The following ADCY2 variants were observed in gnomAD, a reference collection of about 807,000 sequenced individuals.
The protein encoded by ADCY2 is adenylate cyclase 2.
A neutral mutation model predicts 125.2 loss-of-function variants in ADCY2; 31 were observed. That is an observed-to-expected ratio of 0.25 (90% CI 0.19 to 0.33). The LOEUF (loss-of-function observed/expected upper bound fraction) is 0.33, where lower values mean the gene tolerates loss of function less well. Among genes scored for constraint, ADCY2 ranks in the 10% least tolerant of loss-of-function variants. The pLI is 1.00. For missense variants in ADCY2, 904 were observed against 1,418.2 expected (o/e 0.64, Z 5.82); for synonymous variants, 512 against 548.4 (o/e 0.93, Z 0.93).
At chr5:7,807,712 A>G (rs540787878) in intron 22 of ADCY2, among the ~76,000 whole-genome samples, 1 of 152,198 alleles carries the variant, frequency 6.6e-6, no homozygotes, top group South Asian at 2.1e-4. Flanking sequence ...CCAGCTTCCT[A>G]TAGACACCCT....
intron 3 of ADCY2, among the ~76,000 whole-genome samples, chr5:7,570,812 G>T (rs533398685): frequency 6.6e-6 from 1 of 152,250 alleles, no homozygotes; most frequent in Non-Finnish European, 1.5e-5. Flanking sequence ...TTTCATGGGA[G>T]TAAAACTCTG....
intron 3 of ADCY2, among the ~76,000 whole-genome samples, chr5:7,584,333 A>T (rs1250831563): frequency 6.6e-6 from 1 of 152,102 alleles, no homozygotes; most frequent in Non-Finnish European, 1.5e-5. Flanking sequence ...TTATATTTCT[A>T]AAAGGGAATT....
At chr5:7,483,129 A>G (rs1742799171) in intron 2 of ADCY2, among the ~76,000 whole-genome samples, 1 of 152,280 alleles carries the variant, frequency 6.6e-6, no homozygotes, top group East Asian at 1.9e-4. Context: ...AGTTAACAGT[A>G]ATTTATTGTA....
intron 3 of ADCY2, among the ~76,000 whole-genome samples, chr5:7,601,297 C>T (rs1365437998): frequency 2.0e-5 from 3 of 151,586 alleles, no homozygotes; most frequent in Non-Finnish European, 4.4e-5. Flanking sequence ...CAATTTTAAA[C>T]AAATATCGTG....
At chr5:7,701,689 T>C (rs1325218858) in intron 7 of ADCY2, among the ~76,000 whole-genome samples, 1 of 152,198 alleles carries the variant, frequency 6.6e-6, no homozygotes. Flanking sequence ...TCTATTCTAC[T>C]TTCTGTCTCT....
At chr5:7,564,514 C>T (rs1437575531) in intron 3 of ADCY2, among the ~76,000 whole-genome samples, 5 of 152,126 alleles carry the variant, frequency 3.3e-5, no homozygotes, top group Admixed American at 6.6e-5. Context: ...TGACTGATTC[C>T]TTCAAGGCCA....
Position 7,727,972 on chromosome 5 carries a change from T to C in ADCY2, c.1871+711T>C, listed in dbSNP as rs192858828. Among the ~76,000 whole-genome samples the C allele has an allele frequency of 2.5e-3, 380 of 152,272 alleles. 3 individuals are homozygous for C. The highest frequency in any genetic ancestry group is 8.8e-3 in the African/African-American group (367 of 41,560). On this transcript the variant is annotated intron_variant, in intron 14 of 24. Coordinates refer to ENST00000338316, the MANE Select transcript of ADCY2 (RefSeq NM_020546.3). Reference sequence around the variant, plus strand: ...TTTCTTCAAGAAAGCTAATTCTCATTTTATGATCTAAAGAAAATTCTTGTC... The same window carrying C: ...TTTCTTCAAGAAAGCTAATTCTCATCTTATGATCTAAAGAAAATTCTTGTC...
intron 14 of ADCY2, among the ~76,000 whole-genome samples, chr5:7,740,976 C>A (rs535948343): frequency 3.2e-4 from 48 of 151,854 alleles, no homozygotes; most frequent in Non-Finnish European, 4.7e-4. Context: ...AAAGAACAGA[C>A]CTTAATAATA....
chr5:7,699,061 G>C (rs1579329099), intron 7 of ADCY2, among the ~76,000 whole-genome samples: 1 of 110,788 alleles, frequency 9.0e-6, no homozygotes, highest in South Asian at 4.4e-4. Flanking sequence ...TGTTTCCTGA[G>C]TCAGGAAACA....
At position 7,709,169 on chromosome 5, in the gene ADCY2, C is replaced by T; in HGVS notation, c.1402-42C>T. ...CGATGCCAAAAGGATCATGTGTGGC[C>T]CTGTGCTGTGCCAGGTGTGATGCTT... On this transcript the variant is annotated intron_variant, in intron 9 of 24. Transcript: ENST00000338316. This position sits in a 1 kb window ranked among gnomAD's most constrained non-coding sequence, Gnocchi z 4.4. 2 of 1,551,106 alleles carry T rather than the reference C, an allele frequency of 1.3e-6. No individual in the cohort carries two copies. Among genetic ancestry groups the T allele is most frequent in the Admixed American group, 1.9e-5 (1 of 52,782 alleles).
At chr5:7,723,705 G>A (rs5029374) in intron 12 of ADCY2, among the ~76,000 whole-genome samples, 49,695 of 151,654 alleles carry the variant, frequency 0.33, 9,930 homozygotes, top group Non-Finnish European at 0.45. Context: ...CGTGGACCAC[G>A]AGGTTGGGAG....
chr5:7,433,727 A>T (rs1320451422), intron 2 of ADCY2, among the ~76,000 whole-genome samples: 1 of 152,180 alleles, frequency 6.6e-6, no homozygotes, highest in Non-Finnish European at 1.5e-5. Flanking sequence ...CCTAGATACA[A>T]ATAAAGAGAC....
At chr5:7,571,984 G>A (rs992009494) in intron 3 of ADCY2, among the ~76,000 whole-genome samples, 6 of 152,138 alleles carry the variant, frequency 3.9e-5, no homozygotes, top group African/African-American at 7.2e-5. Flanking sequence ...TCTTGTTTAT[G>A]GCTGCATAGT....
intron 4 of ADCY2, among the ~76,000 whole-genome samples, chr5:7,629,087 TGTG>T (rs1417762429): frequency 1.3e-5 from 2 of 152,222 alleles, no homozygotes; most frequent in African/African-American, 4.8e-5. Context: ...CGGAAGGATA[TGTG>T]TTGACCAGCC....
At chr5:7,547,929 T>G (rs1338198671) in intron 3 of ADCY2, among the ~76,000 whole-genome samples, 6 of 152,244 alleles carry the variant, frequency 3.9e-5, no homozygotes, top group African/African-American at 7.2e-5. Context: ...TCCTGTGCTC[T>G]GAGATTCAGG....
chr5:7,802,350 G>T lies in ADCY2; in HGVS notation c.2761G>T (p.Ala921Ser). The T allele has an allele frequency of 2.5e-6, 4 of 1,614,022 alleles. No homozygotes were observed. Among genetic ancestry groups the T allele is most frequent in the Non-Finnish European group, 3.4e-6 (4 of 1,179,942 alleles). Residue 921 changes from alanine to serine, a missense_variant, in exon 21 of 25, where the codon GCT becomes TCT. Coordinates refer to ENST00000338316, the MANE Select transcript of ADCY2 (RefSeq NM_020546.3). This position sits in a 1 kb window ranked among gnomAD's most constrained non-coding sequence, Gnocchi z 4.6. ...CCTTCGGCTCCTGAACGAGATCATC[G>T]CTGACTTTGATGATGTAGGTACTGA... ...ECLRLLNEII[A>S]DFDDLLSKPK...
chr5:7,441,193 A>G (rs73044534), intron 2 of ADCY2, among the ~76,000 whole-genome samples: 2,961 of 152,242 alleles, frequency 0.019, 91 homozygotes, highest in African/African-American at 0.068. Flanking sequence ...TTTGGAGTTG[A>G]GGCGTCCAGC....
chr5:7,707,048 T>C (rs958711199), intron 8 of ADCY2, 146 bp downstream of exon 8: 24 of 1,022,998 alleles, frequency 2.3e-5, no homozygotes, highest in Admixed American at 1.2e-4. Flanking sequence ...CGGCCTCTTA[T>C]GTTAAGCAGA....
At chr5:7,488,698 G>T (rs1208963917) in intron 2 of ADCY2, among the ~76,000 whole-genome samples, 9 of 152,126 alleles carry the variant, frequency 5.9e-5, no homozygotes, top group Non-Finnish European at 4.4e-5. Flanking sequence ...GTGATCAAAA[G>T]GGCCTGACCA....
Sources: gnomAD v4.1 joint callset for allele counts (sites outside exome capture counted in the v4.1 genomes callset) on GRCh38, gnomAD v4.1.1 for gene constraint, Gnocchi (gnomAD v3.1) non-coding constraint, MANE v1.5 for transcripts, NCBI Gene and HGNC (gene_info 2026-07-23, HGNC 2026-07-21) for gene names.